ADD3: variants seen among roughly 807,000 people sequenced by gnomAD.
The protein encoded by ADD3 is adducin 3.
ADD3 carries 25 observed loss-of-function variants against 80.2 expected under a neutral mutation model. The observed-to-expected ratio is 0.31, with a 90% CI of 0.23 to 0.44. The LOEUF (loss-of-function observed/expected upper bound fraction) is 0.44. Ranked by LOEUF, ADD3 falls within the 20% of genes least tolerant of loss-of-function variation. The pLI, the probability that ADD3 is intolerant of heterozygous loss-of-function variation, is 1.00. For synonymous variants in ADD3, 284 were observed against 289.6 expected, an observed-to-expected ratio of 0.98 and a Z score of 0.20; for missense variants, 829 against 847.5, an observed-to-expected ratio of 0.98 and a Z score of 0.27.
In ADD3 at chr10:110,125,855, T is replaced by A; in HGVS notation, c.1431T>A (p.Val477=). The A allele has an allele frequency of 6.2e-7, 1 of 1,607,566 alleles. No individual in the cohort carries two copies. Among genetic ancestry groups the A allele is most frequent in the Non-Finnish European group, 8.5e-7 (1 of 1,175,770 alleles). ...TWMKAEDSSK[V]SGGTPIKIED... ...TGAAAGCAGAAGACTCATCTAAAGTTAGTGGTGGAACACCTATCAAAATTG... is the reference window on the plus strand; with the variant it reads ...TGAAAGCAGAAGACTCATCTAAAGTAAGTGGTGGAACACCTATCAAAATTG... The change falls in exon 11 of 15, where the codon GTT becomes GTA. Residue 477 remains valine (V), a synonymous_variant. Coordinates refer to ENST00000356080, the MANE Select transcript of ADD3 (RefSeq NM_016824.5).
At chr10:110,036,605 C>G (rs1855692449) in intron 1 of ADD3, among the ~76,000 whole-genome samples, 1 of 151,962 alleles carries the variant, frequency 6.6e-6, no homozygotes, top group Admixed American at 6.6e-5. Flanking sequence ...ATCTACTGTC[C>G]TCATGATCCG....
intron 1 of ADD3, among the ~76,000 whole-genome samples, chr10:110,067,264 T>G (rs895192914): frequency 7.9e-5 from 12 of 152,240 alleles, no homozygotes; most frequent in Non-Finnish European, 1.3e-4. Flanking sequence ...TAAAGTAATT[T>G]GCACCTGGAA....
At chr10:110,063,416 C>A (rs1486844889) in intron 1 of ADD3, among the ~76,000 whole-genome samples, 1 of 152,016 alleles carries the variant, frequency 6.6e-6, no homozygotes, top group East Asian at 1.9e-4. Context: ...GTTGATATTA[C>A]ATGGATCACT....
intron 1 of ADD3, among the ~76,000 whole-genome samples, chr10:110,055,117 A>G (rs146079847): frequency 2.2e-4 from 33 of 152,350 alleles, no homozygotes; most frequent in African/African-American, 6.7e-4. Flanking sequence ...TAAGTGCCCA[A>G]TAATATTAGC....
Position 110,124,271 on chromosome 10 carries a change from C to T in ADD3, c.1398C>T (p.Ile466=). 5 of 1,613,432 alleles carry T rather than the reference C, an allele frequency of 3.1e-6. No individual in the cohort carries two copies. Among genetic ancestry groups the T allele is most frequent in the Non-Finnish European group, 4.2e-6 (5 of 1,179,374 alleles). ...RNGETSPRTK[I]TWMKAEDSSK... Reference sequence around the variant, plus strand: ...GAGAAACCAGTCCCCGAACCAAAATCACGGTATGCCAGTATTTTATGTAGT... The same window carrying T: ...GAGAAACCAGTCCCCGAACCAAAATTACGGTATGCCAGTATTTTATGTAGT... The change falls in exon 10 of 15, where the codon ATC becomes ATT. Residue 466 remains isoleucine, a synonymous_variant. Transcript: ENST00000356080.
chr10:110,070,863 CAT>C (rs936394512), intron 1 of ADD3, among the ~76,000 whole-genome samples: 42 of 151,522 alleles, frequency 2.8e-4, no homozygotes, highest in Admixed American at 1.6e-3. Flanking sequence ...TGGCTCTTGT[CAT>C]ATACAGGCAG....
At chr10:110,065,538 C>CTTTTTTTTTTTTTTTTTTTTTTT in intron 1 of ADD3, among the ~76,000 whole-genome samples, 1 of 11,742 alleles carries the variant, frequency 8.5e-5, no homozygotes, top group Non-Finnish European at 3.4e-4. Flanking sequence ...CTCTCTCTCC[C>CTTTTTTTTTTTTTTTTTTTTTTT]CTTTTTTTTT....
intron 1 of ADD3, among the ~76,000 whole-genome samples, chr10:110,082,553 A>C (rs961821736): frequency 6.6e-6 from 1 of 152,220 alleles, no homozygotes; most frequent in African/African-American, 2.4e-5. Flanking sequence ...TTATTAATAA[A>C]CTGGAAAGTC....
intron 1 of ADD3, among the ~76,000 whole-genome samples, chr10:110,030,323 TA>T (rs551525504): frequency 0.013 from 1,741 of 133,792 alleles, 59 homozygotes; most frequent in Admixed American, 0.068. Context: ...AACTCCATCT[TA>T]AAAAAAAAAA....
intron 1 of ADD3, among the ~76,000 whole-genome samples, chr10:109,997,230 G>C (rs1258859908): frequency 6.6e-6 from 1 of 152,076 alleles, no homozygotes; most frequent in Admixed American, 6.6e-5. Context: ...AAGTCTTTGT[G>C]TTATTACTCA....
At chr10:110,119,149 G>T in intron 6 of ADD3, 62 bp from the exon 7 acceptor site, 2 of 1,577,058 alleles carry the variant, frequency 1.3e-6, no homozygotes, top group South Asian at 1.1e-5. Flanking sequence ...AAACAATCAG[G>T]TTCCTATGAA....
At chr10:110,123,932 T>C in intron 9 of ADD3, 85 bp from the exon 10 acceptor site, 1 of 1,361,566 alleles carries the variant, frequency 7.3e-7, no homozygotes, top group Non-Finnish European at 1.0e-6. Flanking sequence ...GTCTTTTAAA[T>C]CATTTGTATA....
chr10:110,014,632 T>TTC (rs975987234), intron 1 of ADD3, among the ~76,000 whole-genome samples: 1 of 152,092 alleles, frequency 6.6e-6, no homozygotes, highest in African/African-American at 2.4e-5. Context: ...GCTCAAGGGA[T>TTC]TCTCCTGCCT....
rs997409897 is a variant in ADD3 at position 110,133,673 on chromosome 10, C to T, written c.*55C>T. 4.3e-6 allele frequency: 6 copies of T among 1,391,158 alleles called. No homozygotes were observed. Among genetic ancestry groups the T allele is most frequent in the Non-Finnish European group, 5.8e-6 (6 of 1,038,274 alleles). 86.2% of individuals were successfully genotyped at this position (1,391,158 alleles called of 1,614,324 possible). On this transcript the variant is annotated 3_prime_UTR_variant, in exon 15 of 15. Coordinates refer to ENST00000356080, the MANE Select transcript of ADD3 (RefSeq NM_016824.5). ...CAATGTGACATTGCACATCTAAATA[C>T]CACATTTAAGTTGATCATTAATATG...
intron 1 of ADD3, among the ~76,000 whole-genome samples, chr10:110,028,482 T>G (rs1219456052): frequency 3.9e-5 from 6 of 152,146 alleles, no homozygotes; most frequent in Non-Finnish European, 7.3e-5. Flanking sequence ...GGAGAATTGC[T>G]TGAACCCAGG....
intron 1 of ADD3, chr10:110,016,380 G>A (rs1852996168): frequency 6.6e-6 from 1 of 152,186 alleles, no homozygotes; most frequent in Non-Finnish European, 1.5e-5. Context: ...ACATGATGAA[G>A]AACTAATTCA....
chr10:109,999,918 TG>T (rs1200348093), intron 1 of ADD3, among the ~76,000 whole-genome samples: 8 of 149,430 alleles, frequency 5.4e-5, no homozygotes, highest in African/African-American at 1.3e-4. Context: ...GTCTTAAGGT[TG>T]TTTTTTTTTT....
chr10:110,115,318 G>A (rs1406589230), intron 3 of ADD3, among the ~76,000 whole-genome samples: 2 of 152,172 alleles, frequency 1.3e-5, no homozygotes, highest in Non-Finnish European at 2.9e-5. Flanking sequence ...GAACCTGGGA[G>A]GTGGATGTTG....
At chr10:110,070,996 G>C (rs1844629144) in intron 1 of ADD3, among the ~76,000 whole-genome samples, 1 of 87,642 alleles carries the variant, frequency 1.1e-5, no homozygotes, top group African/African-American at 4.2e-5. Flanking sequence ...GGGGGGGGTG[G>C]GGAGCCAGCT....
Sources: allele counts gnomAD v4.1 joint callset (sites outside exome capture counted in the v4.1 genomes callset), GRCh38; gene constraint gnomAD v4.1.1; transcripts MANE v1.5; gene names NCBI Gene and HGNC (gene_info 2026-07-23, HGNC 2026-07-21).